The following POTEB3 variants were observed in gnomAD, a reference collection of about 807,000 sequenced individuals.
The protein encoded by POTEB3 is POTE ankyrin domain family member B3, also known as ANKRD26-like family B member 1.
In POTEB3, 5 loss-of-function variants were observed where a neutral mutation model predicts 39.8. The observed-to-expected ratio is 0.13, with a 90% CI of 0.07 to 0.26. POTEB3 has a LOEUF of 0.26. Ranked by LOEUF, POTEB3 falls within the 10% of genes least tolerant of loss-of-function variation. The pLI is 1.00. For missense variants in POTEB3, 24 were observed against 475.6 expected, an observed-to-expected ratio of 0.05 and a Z score of 8.83; for synonymous variants, 5 against 161.5, an observed-to-expected ratio of 0.03 and a Z score of 7.35.
chr15:21,422,604 G>T (rs1264134850), intron 6 of POTEB3, among the ~76,000 whole-genome samples: 1 of 136,400 alleles, frequency 7.3e-6, no homozygotes, highest in African/African-American at 2.7e-5. Flanking sequence ...GCCCAGGAAA[G>T]GTCATGGTGA....
chr15:21,422,882 G>C (rs1441446901), intron 6 of POTEB3, among the ~76,000 whole-genome samples: 1 of 149,226 alleles, frequency 6.7e-6, no homozygotes, highest in Non-Finnish European at 1.5e-5. Flanking sequence ...CCCTGTCTTT[G>C]TTCAGGGCTC....
chr15:21,422,890 C>A (rs1202992497), intron 6 of POTEB3, among the ~76,000 whole-genome samples: 1 of 148,738 alleles, frequency 6.7e-6, no homozygotes, highest in Non-Finnish European at 1.5e-5. Flanking sequence ...TTGTTCAGGG[C>A]TCAGCTTTTT....
In POTEB3 at chr15:21,419,891, A is replaced by G. The variant is rs1323739846; in HGVS notation, c.1243-261T>C. Reference sequence around the variant, plus strand: ...AATAAAACAGAATTTTCCAAAATTCAAAAAGGGCCCTCCTTCATTTTGTGC... The same window carrying G: ...AATAAAACAGAATTTTCCAAAATTCGAAAAGGGCCCTCCTTCATTTTGTGC... On this transcript the variant is annotated intron_variant, in intron 8 of 10. Transcript: ENST00000611217. Among the ~76,000 whole-genome samples, 177 of 136,594 alleles carry G rather than the reference A, an allele frequency of 1.3e-3. 4 individuals carry two copies. The highest frequency in any genetic ancestry group is 4.7e-3 in the African/African-American group (161 of 34,140). The allele number at this position is 136,594 out of a possible 152,430, so 89.6% of individuals were successfully genotyped here. A position where few individuals can be genotyped will look rare whatever the true frequency, so the allele number is the denominator to read the frequency against.
intron 9 of POTEB3, among the ~76,000 whole-genome samples, chr15:21,417,843 A>T (rs1295355726): frequency 9.2e-6 from 1 of 108,382 alleles, no homozygotes; most frequent in East Asian, 2.2e-4. Context: ...TGAATACCAA[A>T]ATATATCCTT....
chr15:21,433,994 C>G (rs1162657964), intron 3 of POTEB3, among the ~76,000 whole-genome samples: 2 of 144,398 alleles, frequency 1.4e-5, no homozygotes, highest in South Asian at 2.1e-4. Flanking sequence ...CCCTGTCTCA[C>G]CATATAAAGG....
chr15:21,423,240 A>T (rs1485001948), intron 6 of POTEB3, among the ~76,000 whole-genome samples: 9 of 104,120 alleles, frequency 8.6e-5, no homozygotes, highest in African/African-American at 3.2e-4. Flanking sequence ...AGCTGTGATT[A>T]CAGGCACACA....
intron 10 of POTEB3, among the ~76,000 whole-genome samples, chr15:21,409,855 C>T (rs1314610242): frequency 9.4e-6 from 1 of 106,112 alleles, no homozygotes; most frequent in Non-Finnish European, 1.8e-5. Context: ...CACCTGTAAT[C>T]CCAGCACTTC....
intron 6 of POTEB3, among the ~76,000 whole-genome samples, chr15:21,422,697 T>C (rs1161103942): frequency 6.7e-6 from 1 of 149,702 alleles, no homozygotes; most frequent in Non-Finnish European, 1.5e-5. Context: ...CTTTACCATC[T>C]CCCCTCCCCC....
chr15:21,426,530 T>C (rs1473371705), intron 6 of POTEB3, among the ~76,000 whole-genome samples: 1 of 145,638 alleles, frequency 6.9e-6, no homozygotes, highest in African/African-American at 2.6e-5. Flanking sequence ...TAGTTATTTG[T>C]TAAGTGGACA....
chr15:21,409,970 C>G (rs1298122086), intron 10 of POTEB3, among the ~76,000 whole-genome samples: 2 of 80,472 alleles, frequency 2.5e-5, no homozygotes, highest in South Asian at 2.8e-4. Context: ...AAGACTCCAT[C>G]TAGAATACAC....
rs1555369173 is a variant in POTEB3 at position 21,413,550 on chromosome 15, A to ATATG, written c.1410-2553_1410-2550dup. ...TATATATATATATATATATATATAT[A>ATATG]TATGTATGTATGTATGTATGTATAC... On this transcript the variant is annotated intron_variant, in intron 9 of 10. Coordinates refer to ENST00000611217, the MANE Select transcript of POTEB3 (RefSeq NM_207355.5). Among the ~76,000 whole-genome samples, 85 of 27,194 alleles carry ATATG rather than the reference A, an allele frequency of 3.1e-3. 6 individuals are homozygous for ATATG. Among genetic ancestry groups the ATATG allele is most frequent in the East Asian group, 0.018 (14 of 772 alleles). 17.8% of individuals were successfully genotyped at this position (27,194 alleles called of 152,430 possible).
rs1368805965 is a variant in POTEB3, at chr15:21,417,942, G to A, written c.1409+1522C>T. ...GCAGCACCTTCCTTTTAGCACAAGGGTCAGCAAATTAGCACCTGTGGGCCA... is the reference window on the plus strand; with the variant it reads ...GCAGCACCTTCCTTTTAGCACAAGGATCAGCAAATTAGCACCTGTGGGCCA... On this transcript the variant is annotated intron_variant, in intron 9 of 10. Transcript: ENST00000611217. Among the ~76,000 whole-genome samples the A allele has an allele frequency of 9.4e-5, 10 of 105,886 alleles. 2 individuals are homozygous for A. Among genetic ancestry groups the A allele is most frequent in the South Asian group, 7.0e-4 (3 of 4,282 alleles). 69.5% of individuals were successfully genotyped at this position (105,886 alleles called of 152,430 possible). A position where few individuals can be genotyped will look rare whatever the true frequency, so the allele number is the denominator to read the frequency against.
intron 4 of POTEB3, among the ~76,000 whole-genome samples, chr15:21,430,757 T>C (rs1399339797): frequency 4.6e-5 from 7 of 151,418 alleles, no homozygotes; most frequent in Admixed American, 2.0e-4. Flanking sequence ...TATGCTGTGA[T>C]AGAAAATTAG....
chr15:21,433,066 A>AC (rs71270911), intron 3 of POTEB3, among the ~76,000 whole-genome samples: 1,324 of 128,880 alleles, frequency 0.01, 2 homozygotes, highest in South Asian at 0.025. Context: ...ACAGAGTGAG[A>AC]CCCCATCTCA....
intron 6 of POTEB3, among the ~76,000 whole-genome samples, chr15:21,424,611 G>A (rs1898605170): frequency 1.4e-5 from 2 of 147,222 alleles, no homozygotes; most frequent in South Asian, 4.2e-4. Flanking sequence ...ATGACATGAA[G>A]TCAAGCAGGG....
intron 3 of POTEB3, among the ~76,000 whole-genome samples, chr15:21,434,365 G>A (rs1336387091): frequency 2.5e-5 from 3 of 122,336 alleles, no homozygotes; most frequent in African/African-American, 1.0e-4. Flanking sequence ...CATTTGTTAG[G>A]GAAAAAAAAA....
intron 3 of POTEB3, among the ~76,000 whole-genome samples, chr15:21,433,467 C>T (rs116198550): frequency 4.9e-3 from 677 of 137,750 alleles, no homozygotes; most frequent in Admixed American, 9.8e-3. Flanking sequence ...AAACCTAGAC[C>T]TGAAGATTAT....
chr15:21,409,976 TAC>T (rs59893004), intron 10 of POTEB3, among the ~76,000 whole-genome samples: 15,072 of 81,596 alleles, frequency 0.18, 3,058 homozygotes, highest in East Asian at 0.33. Flanking sequence ...CCATCTAGAA[TAC>T]ACACACACAC....
Position 21,413,887 on chromosome 15 carries a change from G to A in POTEB3, c.1410-2886C>T, listed in dbSNP as rs1459569494. Among the ~76,000 whole-genome samples the A allele has an allele frequency of 6.7e-5, 5 of 74,684 alleles. 1 individual carries two copies. Among genetic ancestry groups the A allele is most frequent in the East Asian group, 3.9e-4 (1 of 2,574 alleles). 49.0% of individuals were successfully genotyped at this position (74,684 alleles called of 152,430 possible). Reference sequence around the variant, plus strand: ...TGAGATTTGGGTGGAAACACAAAGCGAAACTATTGGGGGGGGGTGTATCCT... The same window carrying A: ...TGAGATTTGGGTGGAAACACAAAGCAAAACTATTGGGGGGGGGTGTATCCT... On this transcript the variant is annotated intron_variant, in intron 9 of 10. Coordinates refer to ENST00000611217, the MANE Select transcript of POTEB3 (RefSeq NM_207355.5).
Sources: allele counts gnomAD v4.1 joint callset (sites outside exome capture counted in the v4.1 genomes callset), GRCh38; gene constraint gnomAD v4.1.1; transcripts MANE v1.5; gene names NCBI Gene and HGNC (gene_info 2026-07-23, HGNC 2026-07-21).